Variants in RNASE4 observed in about 807,000 individuals in gnomAD.
The protein encoded by RNASE4 is ribonuclease 4.
For missense variants in RNASE4, 194 were observed against 192.8 expected (o/e 1.01, Z -0.04); for synonymous variants, 93 against 71.4 (o/e 1.30, Z -1.52).
intron 1 of RNASE4, chr14:20,693,938 GA>G: frequency 6.2e-7 from 1 of 1,614,126 alleles, no homozygotes; most frequent in Admixed American, 1.7e-5. Context: ...GCGGGGTTCA[GA>G]AACGTTGTTG....
rs1268270786 is a variant in RNASE4 at position 20,699,497 on chromosome 14, C to A, written c.126C>A (p.His42Gln). 1 of 1,614,150 alleles carries A rather than the reference C, an allele frequency of 6.2e-7. No homozygotes were observed. ...MYQRFLRQHV[H>Q]PEETGGSDRY... is the part of the protein sequence containing the mutation. ...AGCGATTCCTGCGGCAACACGTGCACCCTGAGGAGACAGGTGGCAGTGATC... is the reference window on the plus strand; with the variant it reads ...AGCGATTCCTGCGGCAACACGTGCAACCTGAGGAGACAGGTGGCAGTGATC... Residue 42 changes from histidine (H) to glutamine (Q), a missense_variant, in exon 2 of 2, where the codon CAC becomes CAA. Transcript: ENST00000555835.
At chr14:20,696,199 A>G (rs1887088603) in intron 1 of RNASE4, among the ~76,000 whole-genome samples, 1 of 152,130 alleles carries the variant, frequency 6.6e-6, no homozygotes, top group Non-Finnish European at 1.5e-5. Context: ...TTGGAGCATT[A>G]TCATCGCATA....
At chr14:20,685,104 A>G (rs1886362653) in intron 1 of RNASE4, among the ~76,000 whole-genome samples, 2 of 152,200 alleles carry the variant, frequency 1.3e-5, no homozygotes, top group Admixed American at 1.3e-4. Context: ...ATTCAGGCTA[A>G]TCACCAGCTT....
chr14:20,694,230 A>G, intron 1 of RNASE4: 1 of 597,002 alleles, frequency 1.7e-6, no homozygotes, highest in South Asian at 2.1e-5. Context: ...TCTTTCCCCC[A>G]TTTTCTCTAC....
chr14:20,691,060 A>G (rs146116002), intron 1 of RNASE4, among the ~76,000 whole-genome samples: 4 of 152,332 alleles, frequency 2.6e-5, no homozygotes, highest in African/African-American at 9.6e-5. Context: ...TCTAATGCAG[A>G]GCGAGTTTGG....
At chr14:20,689,190 G>T (rs1886569434) in intron 1 of RNASE4, among the ~76,000 whole-genome samples, 1 of 152,182 alleles carries the variant, frequency 6.6e-6, no homozygotes, top group African/African-American at 2.4e-5. Flanking sequence ...CCTGTTACAG[G>T]CATTACACGT....
At chr14:20,693,229 A>C (rs1485568976) in intron 1 of RNASE4, among the ~76,000 whole-genome samples, 1 of 152,230 alleles carries the variant, frequency 6.6e-6, no homozygotes, top group African/African-American at 2.4e-5. Flanking sequence ...TTCATTATTC[A>C]ATTAATAAAT....
chr14:20,696,722 T>C (rs2139033306), intron 1 of RNASE4, among the ~76,000 whole-genome samples: 1 of 150,230 alleles, frequency 6.7e-6, no homozygotes, highest in East Asian at 2.0e-4. Context: ...CCAAGAAAAA[T>C]GGAAGTGGTA....
chr14:20,695,077 T>C (rs1887036983), intron 1 of RNASE4, among the ~76,000 whole-genome samples: 1 of 152,196 alleles, frequency 6.6e-6, no homozygotes, highest in Non-Finnish European at 1.5e-5. Flanking sequence ...AACTAATGTC[T>C]GGCAAGTGTG....
intron 1 of RNASE4, chr14:20,694,081 G>T (rs1886980469): frequency 1.3e-6 from 2 of 1,560,702 alleles, no homozygotes; most frequent in Non-Finnish European, 1.8e-6. Flanking sequence ...CAGAACAGTG[G>T]TGGCAACATT....
chr14:20,689,481 A>G (rs984528002), intron 1 of RNASE4, among the ~76,000 whole-genome samples: 1 of 152,256 alleles, frequency 6.6e-6, no homozygotes, highest in African/African-American at 2.4e-5. Flanking sequence ...ATAGTTACTC[A>G]TCATAAACTG....
chr14:20,700,032 CT>C lies in RNASE4; in HGVS notation c.*221del. ...GCTGGGCTTTTCTGTAATAAGCTTC[CT>C]TTTATAATACTGGTCAGCTTAGCTC... On this transcript the variant is annotated 3_prime_UTR_variant, in exon 2 of 2. Transcript: ENST00000555835. 1.8e-6 allele frequency: 1 copy of C among 570,158 alleles called. No individual in the cohort carries two copies. The highest frequency in any genetic ancestry group is 3.2e-5 in the Admixed American group (1 of 30,850). 35.3% of individuals were successfully genotyped at this position (570,158 alleles called of 1,614,324 possible). A position where few individuals can be genotyped will look rare whatever the true frequency, so the allele number is the denominator to read the frequency against.
At chr14:20,694,234 T>C (rs1566602996) in intron 1 of RNASE4, 3 of 620,962 alleles carry the variant, frequency 4.8e-6, no homozygotes, top group Non-Finnish European at 5.8e-6. Context: ...TCCCCCATTT[T>C]CTCTACTTGG....
chr14:20,693,598 T>C, intron 1 of RNASE4: 4 of 1,613,742 alleles, frequency 2.5e-6, no homozygotes, highest in Non-Finnish European at 3.4e-6. Flanking sequence ...GTTGTTGGTC[T>C]TCGTGCTGGG....
At chr14:20,697,255 T>C (rs1887123635) in intron 1 of RNASE4, among the ~76,000 whole-genome samples, 1 of 152,186 alleles carries the variant, frequency 6.6e-6, no homozygotes, top group Non-Finnish European at 1.5e-5. Context: ...AGAAAGTAGA[T>C]AAAACCATGG....
intron 1 of RNASE4, 110 bp downstream of exon 1, chr14:20,684,868 G>C (rs1886349018): frequency 6.6e-6 from 1 of 152,312 alleles, no homozygotes; most frequent in South Asian, 2.1e-4. Context: ...TTGGGGAGGA[G>C]TTTGCGGGAC....
chr14:20,699,802 A>G lies in RNASE4; in HGVS notation c.431A>G (p.His144Arg). Residue 144 changes from histidine to arginine, a missense_variant, in exon 2 of 2, where the codon CAC becomes CGC. Physicochemically the swap from His to Arg is conservative, Grantham distance 29 (BLOSUM62 0). Transcript: ENST00000555835. ...GAGGGTAACCCACAGGTGCCTGTGCACTTTGACGGTTAGATGCCACCATGT... is the reference window on the plus strand; with the variant it reads ...GAGGGTAACCCACAGGTGCCTGTGCGCTTTGACGGTTAGATGCCACCATGT... ...ACEGNPQVPV[H>R]FDG 6.2e-7 allele frequency: 1 copy of G among 1,612,520 alleles called. No individual in the cohort carries two copies. The highest frequency in any genetic ancestry group is 8.5e-7 in the Non-Finnish European group (1 of 1,179,724).
chr14:20,686,927 AG>A (rs1220541273), intron 1 of RNASE4, among the ~76,000 whole-genome samples: 1 of 152,228 alleles, frequency 6.6e-6, no homozygotes, highest in African/African-American at 2.4e-5. Context: ...CTCTAACACT[AG>A]GGTCCTTGGA....
In RNASE4 at chr14:20,700,990, G is replaced by A. The variant is rs890059455; in HGVS notation, c.*1175G>A. The A allele has an allele frequency of 2.0e-5, 3 of 152,270 alleles. No individual in the cohort carries two copies. The highest frequency in any genetic ancestry group is 7.2e-5 in the African/African-American group (3 of 41,524). The allele number at this position is 152,270 out of a possible 1,614,324, so 9.4% of individuals were successfully genotyped here. A position where few individuals can be genotyped will look rare whatever the true frequency, so the allele number is the denominator to read the frequency against. Reference sequence around the variant, plus strand: ...CTGCCCCACCTTAACTGATCAATTAGCCTTGTGACATTCCTTCTCCTGGAC... The same window carrying A: ...CTGCCCCACCTTAACTGATCAATTAACCTTGTGACATTCCTTCTCCTGGAC... On this transcript the variant is annotated 3_prime_UTR_variant, in exon 2 of 2. Transcript: ENST00000555835.
Sources: allele counts gnomAD v4.1 joint callset (sites outside exome capture counted in the v4.1 genomes callset), GRCh38; gene constraint gnomAD v4.1.1; transcripts MANE v1.5; gene names NCBI Gene and HGNC (gene_info 2026-07-23, HGNC 2026-07-21).